The following CERS4 variants were observed in gnomAD, a reference collection of about 807,000 sequenced individuals.
CERS4 encodes the protein ceramide synthase 4.
Under a neutral mutation model 51.8 loss-of-function variants are expected in CERS4, and 65 were observed. That is an observed-to-expected ratio of 1.26 (90% CI 1.03 to 1.54). The LOEUF is 1.54. Ranked by LOEUF, CERS4 falls within the 40% of genes most tolerant of loss-of-function variation. The probability of loss-of-function intolerance (pLI) is 0.00; values close to 1 mark genes in which losing one functional copy is unlikely to be tolerated. For missense variants in CERS4, 563 were observed against 500.4 expected (o/e 1.13, Z -1.19); for synonymous variants, 228 against 208.4 (o/e 1.09, Z -0.81).
chr19:8,211,248 C>T (rs549451652), intron 2 of CERS4, among the ~76,000 whole-genome samples: 8 of 152,240 alleles, frequency 5.3e-5, no homozygotes, highest in African/African-American at 1.9e-4. Context: ...TAGTTGGCAG[C>T]AGAAGTGGGC....
chr19:8,256,794 C>T, intron 8 of CERS4, 84 bp downstream of exon 8: 3 of 1,570,542 alleles, frequency 1.9e-6, no homozygotes, highest in Non-Finnish European at 2.6e-6. Context: ...TACAACCGCA[C>T]CTTGAGAGCT....
chr19:8,209,955 T>G (rs954151620), intron 1 of CERS4: 3 of 152,164 alleles, frequency 2.0e-5, no homozygotes, highest in African/African-American at 7.3e-5. Context: ...CGGGGTGAGG[T>G]GGAGGTGCCC....
At chr19:8,247,624 T>G (rs1968846362) in intron 2 of CERS4, among the ~76,000 whole-genome samples, 1 of 152,234 alleles carries the variant, frequency 6.6e-6, no homozygotes, top group African/African-American at 2.4e-5. Context: ...CTTGCTATGT[T>G]GCCCAGGCTG....
In CERS4 at chr19:8,250,735, G is replaced by A. The variant is rs889517408; in HGVS notation, c.-1-341G>A. 47 of 869,874 alleles carry A rather than the reference G, an allele frequency of 5.4e-5. No homozygotes were observed. The African/African-American group carries it at 7.0e-4, about 13-fold the overall frequency. The allele number at this position is 869,874 out of a possible 1,614,324, so 53.9% of individuals were successfully genotyped here. ...CTTCTAAAGTGCTGGGATTACAGGC[G>A]TGAGCAACTGCGCCCGGCCTACTAC... On this transcript the variant is annotated intron_variant, in intron 2 of 11. Coordinates refer to ENST00000251363, the MANE Select transcript of CERS4 (RefSeq NM_024552.3).
At chr19:8,254,883 C>A (rs34400532) in intron 4 of CERS4, among the ~76,000 whole-genome samples, 3 of 152,028 alleles carry the variant, frequency 2.0e-5, no homozygotes, top group African/African-American at 7.2e-5. Flanking sequence ...GGACCCCCCC[C>A]TTCCCAGCCT....
chr19:8,259,946 G>A (rs1969593027), intron 10 of CERS4, among the ~76,000 whole-genome samples: 1 of 152,052 alleles, frequency 6.6e-6, no homozygotes, highest in Non-Finnish European at 1.5e-5. Context: ...TCCCTCCTCT[G>A]GCTGCCATCC....
At chr19:8,241,937 C>A (rs1968557205) in intron 2 of CERS4, among the ~76,000 whole-genome samples, 1 of 152,104 alleles carries the variant, frequency 6.6e-6, no homozygotes, top group African/African-American at 2.4e-5. Context: ...AAGAGAAAAG[C>A]TAGAAATTGA....
rs527345259 is a variant in CERS4 at position 8,238,405 on chromosome 19, AG to A, written c.-1-12668del. The A allele has an allele frequency of 4.0e-4, 231 of 576,054 alleles. 1 individual carries two copies. The African/African-American group carries it at 4.2e-3, about 11-fold the overall frequency. The allele number at this position is 576,054 out of a possible 1,614,324, so 35.7% of individuals were successfully genotyped here. On this transcript the variant is annotated intron_variant, in intron 2 of 11. Transcript: ENST00000251363. ...TTGAAAGGCAAGTGGGAACTGGCCC[AG>A]GGAAGAGGGCGGAGGCATGTTGGAA...
chr19:8,249,126 TGATGAGTGGGTGGACAGATGTTTG>T (rs901247796), intron 2 of CERS4, among the ~76,000 whole-genome samples: 4 of 147,966 alleles, frequency 2.7e-5, no homozygotes, highest in African/African-American at 2.5e-5. Flanking sequence ...GGTAGATGGA[TGATGAGTGGGTGGACAGATGTTTG>T]GATGGGTGGA....
Position 8,210,790 on chromosome 19 carries a change from C to T in CERS4, c.-74C>T, listed in dbSNP as rs1451574955. ...CAGTGCACCTGGGCCCCAGCAGGCC[C>T]AGCCAGGCGTGGAGGAAGAGGCATT... On this transcript the variant is annotated 5_prime_UTR_variant, in exon 2 of 12. Transcript: ENST00000251363. The surrounding 1 kb of genome is among the most constrained non-coding windows in gnomAD (Gnocchi z 4.2). 1 of 152,236 alleles carries T rather than the reference C, an allele frequency of 6.6e-6. No individual in the cohort carries two copies. The highest frequency in any genetic ancestry group is 1.5e-5 in the Non-Finnish European group (1 of 68,102). 9.4% of individuals were successfully genotyped at this position (152,236 alleles called of 1,614,324 possible).
Position 8,241,798 on chromosome 19 carries a change from C to T in CERS4, c.-1-9278C>T, listed in dbSNP as rs117700696. Among the ~76,000 whole-genome samples the T allele has an allele frequency of 2.6e-3, 390 of 152,242 alleles. 2 individuals carry two copies. The highest frequency in any genetic ancestry group is 3.5e-3 in the Non-Finnish European group (236 of 68,020). ...GCATGGAGTGTTTATAAACTGCCCG[C>T]CTGCCCTGAGCCTCACAATAGCCTG... On this transcript the variant is annotated intron_variant, in intron 2 of 11. Transcript: ENST00000251363.
At chr19:8,246,907 T>C (rs1290653479) in intron 2 of CERS4, among the ~76,000 whole-genome samples, 2 of 152,158 alleles carry the variant, frequency 1.3e-5, no homozygotes, top group Non-Finnish European at 2.9e-5. Context: ...GGCTCATGCC[T>C]ATAATCCCAG....
intron 2 of CERS4, among the ~76,000 whole-genome samples, chr19:8,243,172 T>A (rs1157033912): frequency 9.3e-6 from 1 of 107,418 alleles, no homozygotes; most frequent in Non-Finnish European, 1.7e-5. Context: ...CCAGTCTGGG[T>A]GACAAAGTGA....
Position 8,255,881 on chromosome 19 carries a change from TGAGTATACCA to T in CERS4, c.468+10_468+19del. On this transcript the variant is annotated splice_donor_5th_base_variant and intron_variant, in intron 6 of 11. Coordinates refer to ENST00000251363, the MANE Select transcript of CERS4 (RefSeq NM_024552.3). Reference sequence around the variant, plus strand: ...GGCGGCCTCTCGGTCCTGTACCACGTGAGTATACCAGAGTATAGCTGACTGCTCACCTGCC... The same window carrying T: ...GGCGGCCTCTCGGTCCTGTACCACGTGAGTATAGCTGACTGCTCACCTGCC... 3.1e-6 allele frequency: 5 copies of T among 1,613,654 alleles called. No homozygotes were observed. Among genetic ancestry groups the T allele is most frequent in the Non-Finnish European group, 3.4e-6 (4 of 1,179,906 alleles).
chr19:8,229,820 C>T (rs1262594245), intron 2 of CERS4, among the ~76,000 whole-genome samples: 1 of 152,196 alleles, frequency 6.6e-6, no homozygotes, highest in Non-Finnish European at 1.5e-5. Context: ...GATCCTCCTG[C>T]CTCAGCCCCT....
chr19:8,257,172 GA>G, intron 9 of CERS4, 95 bp downstream of exon 9: 1 of 1,342,496 alleles, frequency 7.4e-7, no homozygotes, highest in Non-Finnish European at 1.0e-6. Context: ...ACCTTCCTGG[GA>G]GATGGAGCCC....
chr19:8,240,073 G>A (rs1285522519), intron 2 of CERS4, among the ~76,000 whole-genome samples: 3 of 152,102 alleles, frequency 2.0e-5, no homozygotes, highest in Non-Finnish European at 2.9e-5. Context: ...TCTTGGAGGA[G>A]GTGACATTTG....
At chr19:8,256,539 C>A in intron 7 of CERS4, 79 bp from the exon 8 acceptor site, 1 of 1,343,690 alleles carries the variant, frequency 7.4e-7, no homozygotes, top group Non-Finnish European at 1.0e-6. Flanking sequence ...TTTGAGCAAA[C>A]GGAGTGGGCC....
chr19:8,249,752 G>A (rs1002384139), intron 2 of CERS4, among the ~76,000 whole-genome samples: 2 of 151,248 alleles, frequency 1.3e-5, no homozygotes, highest in Non-Finnish European at 2.9e-5. Context: ...CACCATGCCT[G>A]GCTAATTTTT....
Sources: allele counts gnomAD v4.1 joint callset (sites outside exome capture counted in the v4.1 genomes callset), GRCh38; gene constraint gnomAD v4.1.1; non-coding constraint Gnocchi (gnomAD v3.1); transcripts MANE v1.5; gene names NCBI Gene and HGNC (gene_info 2026-07-23, HGNC 2026-07-21).